AHCY: variants seen among roughly 807,000 people sequenced by gnomAD.
The protein encoded by AHCY is adenosylhomocysteinase, also known as S-adenosyl-L-homocysteine hydrolase.
AHCY carries 24 observed loss-of-function variants against 45.4 expected under a neutral mutation model. The observed-to-expected ratio is 0.53, with a 90% CI of 0.38 to 0.74. The LOEUF (loss-of-function observed/expected upper bound fraction) is 0.74, where lower values mean the gene tolerates loss of function less well. Among genes scored for constraint, AHCY ranks in the 30% least tolerant of loss-of-function variants. The pLI, the probability that AHCY is intolerant of heterozygous loss-of-function variation, is 0.00. For synonymous variants in AHCY, 245 were observed against 235.1 expected (o/e 1.04, Z -0.39); for missense variants, 449 against 594.1 (o/e 0.76, Z 2.54).
chr20:34,233,648 A>G, the AHCY span, among the ~76,000 whole-genome samples: 1 of 152,220 alleles, frequency 6.6e-6, no homozygotes, highest in African/African-American at 2.4e-5. Context: ...ACCAGTCTGA[A>G]GATAATGAAT....
the AHCY span, among the ~76,000 whole-genome samples, chr20:34,233,127 G>T: frequency 6.9e-6 from 1 of 145,886 alleles, no homozygotes. Flanking sequence ...AGAGTCAACT[G>T]TGAATGGGAC....
At chr20:34,309,486 A>G (rs2036927061) in intron 1 of AHCY, among the ~76,000 whole-genome samples, 1 of 152,188 alleles carries the variant, frequency 6.6e-6, no homozygotes, top group Non-Finnish European at 1.5e-5. Context: ...ATATATTAAC[A>G]GCAAGACCTC....
At chr20:34,305,217 G>T (rs182545428), upstream of AHCY, among the ~76,000 whole-genome samples, 1 of 151,296 alleles carries the variant, frequency 6.6e-6, no homozygotes, top group African/African-American at 2.4e-5. Flanking sequence ...CCAGCTACTC[G>T]CAAGGCTGAG....
chr20:34,267,459 C>CAAAAAAAAA, the AHCY span, among the ~76,000 whole-genome samples: 11 of 46,280 alleles, frequency 2.4e-4, no homozygotes, highest in Non-Finnish European at 3.1e-4. Flanking sequence ...AACTGGCTCT[C>CAAAAAAAAA]AAAAAAAAAA....
chr20:34,297,281 T>A (rs1346268619), intron 1 of AHCY, among the ~76,000 whole-genome samples: 1 of 151,956 alleles, frequency 6.6e-6, no homozygotes, highest in Non-Finnish European at 1.5e-5. Context: ...AGACATCATA[T>A]TTAATTAATT....
Position 34,290,418 on chromosome 20 carries a change from C to G in AHCY, c.886G>C (p.Val296Leu). Reference protein sequence around the residue: ...HFEQMKDDAIVCNIGHFDVEI... With the variant: ...HFEQMKDDAILCNIGHFDVEI... ...ACGTCAAAGTGTCCAATGTTACACACAATGGCATCATCCTTCATCTGCTCA... is the reference window on the plus strand; with the variant it reads ...ACGTCAAAGTGTCCAATGTTACACAGAATGGCATCATCCTTCATCTGCTCA... Residue 296 changes from valine to leucine, a missense_variant, in exon 8 of 10, where the codon GTG (valine) becomes CTG (leucine). Transcript: ENST00000217426. This position sits in a 1 kb window ranked among gnomAD's most constrained non-coding sequence, Gnocchi z 4.5. 6.2e-7 allele frequency: 1 copy of G among 1,614,256 alleles called. No homozygotes were observed. Among genetic ancestry groups the G allele is most frequent in the Non-Finnish European group, 8.5e-7 (1 of 1,180,054 alleles).
chr20:34,301,338 C>T (rs76297295), intron 1 of AHCY, among the ~76,000 whole-genome samples: 58 of 152,230 alleles, frequency 3.8e-4, no homozygotes, highest in African/African-American at 1.3e-3. Context: ...TCAGTGCCCT[C>T]GAGGACACTG....
chr20:34,236,310 C>T, the AHCY span, among the ~76,000 whole-genome samples: 4 of 151,866 alleles, frequency 2.6e-5, no homozygotes, highest in South Asian at 2.1e-4. Context: ...GAGGCCGAAG[C>T]GGGCAGATCA....
chr20:34,257,345 A>G, the AHCY span, among the ~76,000 whole-genome samples: 1 of 152,048 alleles, frequency 6.6e-6, no homozygotes, highest in South Asian at 2.1e-4. Flanking sequence ...TCAGCCTCCC[A>G]AAGTGCTGGG....
At chr20:34,283,576 G>A (rs2036073716) in intron 9 of AHCY, among the ~76,000 whole-genome samples, 1 of 149,420 alleles carries the variant, frequency 6.7e-6, no homozygotes, top group Non-Finnish European at 1.5e-5. Flanking sequence ...TGAGGCGGGA[G>A]CTTTGCCTCT....
chr20:34,299,174 G>A (rs964154558), intron 1 of AHCY, among the ~76,000 whole-genome samples: 4 of 152,070 alleles, frequency 2.6e-5, no homozygotes, highest in East Asian at 1.9e-4. Context: ...GAGACCCACC[G>A]ACCCTATGGG....
the AHCY span, among the ~76,000 whole-genome samples, chr20:34,267,773 C>G: frequency 6.6e-6 from 1 of 151,752 alleles, no homozygotes; most frequent in Non-Finnish European, 1.5e-5. Flanking sequence ...TCAGGTGATC[C>G]GCCTGCCTAG....
At chr20:34,289,132 T>C (rs1211476145) in intron 8 of AHCY, among the ~76,000 whole-genome samples, 1 of 152,070 alleles carries the variant, frequency 6.6e-6, no homozygotes, top group Non-Finnish European at 1.5e-5. Flanking sequence ...GCCTCCCGAG[T>C]AGCTGGGATT....
chr20:34,308,198 A>G (rs993963959), upstream of AHCY, among the ~76,000 whole-genome samples: 7 of 152,170 alleles, frequency 4.6e-5, no homozygotes, highest in African/African-American at 1.7e-4. Context: ...CCAGTCTACC[A>G]TTAATGGGAA....
chr20:34,246,986 TTTTTTTG>T, the AHCY span, among the ~76,000 whole-genome samples: 6 of 151,588 alleles, frequency 4.0e-5, no homozygotes, highest in East Asian at 1.9e-4. Context: ...TTGGTTTTTG[TTTTTTTG>T]TTTTTTGTTT....
chr20:34,292,975 C>T (rs549805224), intron 3 of AHCY, among the ~76,000 whole-genome samples: 1 of 152,262 alleles, frequency 6.6e-6, no homozygotes, highest in Non-Finnish European at 1.5e-5. Context: ...CCAGGGTTTG[C>T]TCTGCACTGA....
intron 4 of AHCY, 75 bp from the exon 5 acceptor site, chr20:34,291,606 T>TA (rs1366259272): frequency 2.3e-5 from 30 of 1,317,596 alleles, no homozygotes; most frequent in Non-Finnish European, 3.2e-5. Context: ...CTTTACCCCC[T>TA]AAAGCCATTC....
upstream of AHCY, among the ~76,000 whole-genome samples, chr20:34,307,343 G>A (rs2036906044): frequency 6.6e-6 from 1 of 152,030 alleles, no homozygotes; most frequent in Non-Finnish European, 1.5e-5. Flanking sequence ...ACCTGCTTCA[G>A]CCTCCCAACA....
the AHCY span, among the ~76,000 whole-genome samples, chr20:34,258,713 ATATATTATAAAATATATATAG>A: frequency 1.3e-5 from 1 of 74,466 alleles, no homozygotes; most frequent in East Asian, 3.8e-4. Context: ...TATATATTAT[ATATATTATAAAATATATATAG>A]TATATATATA....
Sources: allele counts gnomAD v4.1 joint callset (sites outside exome capture counted in the v4.1 genomes callset), GRCh38; gene constraint gnomAD v4.1.1; non-coding constraint Gnocchi (gnomAD v3.1); transcripts MANE v1.5; gene names NCBI Gene and HGNC (gene_info 2026-07-23, HGNC 2026-07-21).